The following NRG3 variants were observed in gnomAD, a reference collection of about 807,000 sequenced individuals.
NRG3 encodes neuregulin 3, also known as pro-neuregulin-3, membrane-bound isoform.
In NRG3, 31 loss-of-function variants were observed where a neutral mutation model predicts 66.9. The observed-to-expected ratio is 0.46, with a 90% CI of 0.35 to 0.63. The LOEUF is 0.63. Among genes scored for constraint, NRG3 ranks in the 20% least tolerant of loss-of-function variants. The probability of loss-of-function intolerance (pLI) is 0.00; values close to 1 mark genes in which losing one functional copy is unlikely to be tolerated. For missense variants in NRG3, 910 were observed against 878.9 expected (o/e 1.04, Z -0.45); for synonymous variants, 393 against 359.4 (o/e 1.09, Z -1.06).
intron 1 of NRG3, among the ~76,000 whole-genome samples, chr10:82,173,137 G>C: frequency 6.6e-6 from 1 of 152,144 alleles, no homozygotes; most frequent in East Asian, 1.9e-4. Context: ...GATTGCTTTG[G>C]GTTGATACAG....
At chr10:82,623,097 C>T (rs1370446236) in intron 2 of NRG3, among the ~76,000 whole-genome samples, 1 of 151,990 alleles carries the variant, frequency 6.6e-6, no homozygotes, top group African/African-American at 2.4e-5. Flanking sequence ...ACTATTTCAC[C>T]CAGGGTACCA....
chr10:82,624,659 T>C (rs893163414), intron 2 of NRG3, among the ~76,000 whole-genome samples: 16 of 150,412 alleles, frequency 1.1e-4, no homozygotes, highest in Admixed American at 3.3e-4. Flanking sequence ...AAGTCTATAT[T>C]TGCTATGGTT....
intron 2 of NRG3, among the ~76,000 whole-genome samples, chr10:82,538,714 T>G (rs1198500769): frequency 2.6e-5 from 4 of 152,110 alleles, no homozygotes; most frequent in South Asian, 2.1e-4. Flanking sequence ...AAAAAAAAAT[T>G]GTTTTCTCAC....
At chr10:82,607,626 C>A (rs2048046624) in intron 2 of NRG3, among the ~76,000 whole-genome samples, 1 of 151,956 alleles carries the variant, frequency 6.6e-6, no homozygotes, top group Non-Finnish European at 1.5e-5. Flanking sequence ...TGTTTTCTAT[C>A]CATTGCTCTT....
At chr10:82,220,313 A>G (rs2075880892) in intron 1 of NRG3, among the ~76,000 whole-genome samples, 1 of 152,142 alleles carries the variant, frequency 6.6e-6, no homozygotes, top group African/African-American at 2.4e-5. Flanking sequence ...TCAGGGATAT[A>G]GCAACTAAAA....
intron 1 of NRG3, among the ~76,000 whole-genome samples, chr10:82,092,766 G>A (rs1381554407): frequency 6.6e-6 from 1 of 152,150 alleles, no homozygotes; most frequent in African/African-American, 2.4e-5. Context: ...GAAAAAGTCA[G>A]GGCATTTTCT....
intron 2 of NRG3, among the ~76,000 whole-genome samples, chr10:82,726,339 A>G (rs1358755254): frequency 6.6e-6 from 1 of 152,130 alleles, no homozygotes; most frequent in Non-Finnish European, 1.5e-5. Context: ...GTCCCCACCC[A>G]AATCTTATCT....
At chr10:82,433,197 G>T (rs1302101743) in intron 2 of NRG3, among the ~76,000 whole-genome samples, 1 of 152,090 alleles carries the variant, frequency 6.6e-6, no homozygotes, top group Non-Finnish European at 1.5e-5. Context: ...GTTTTGATTT[G>T]CATTTCCCTG....
At chr10:82,243,264 T>C (rs1050108698) in intron 1 of NRG3, among the ~76,000 whole-genome samples, 8 of 152,046 alleles carry the variant, frequency 5.3e-5, no homozygotes, top group Admixed American at 1.3e-4. Flanking sequence ...AATCAAAATA[T>C]GCAAAAAATC....
In NRG3 at chr10:82,191,056, C is replaced by T. The variant is rs2074114797; in HGVS notation, c.824-167683C>T. On this transcript the variant is annotated intron_variant, in intron 1 of 8. Coordinates refer to ENST00000372141, the MANE Select transcript of NRG3 (RefSeq NM_001010848.4). Reference sequence around the variant, plus strand: ...GTCACATGTCACCCCCAGTCACTGCCAAGAATAGTGAGATTGCTTTGCTTG... The same window carrying T: ...GTCACATGTCACCCCCAGTCACTGCTAAGAATAGTGAGATTGCTTTGCTTG... 2.0e-5 allele frequency among the ~76,000 whole-genome samples: 3 copies of T among 152,024 alleles called. 1 individual carries two copies. The South Asian group carries it at 6.2e-4, about 32-fold the overall frequency.
intron 2 of NRG3, among the ~76,000 whole-genome samples, chr10:82,381,319 A>G (rs1254203972): frequency 6.6e-6 from 1 of 152,200 alleles, no homozygotes. Flanking sequence ...GGAAAACGAC[A>G]ACATTACAGA....
chr10:82,354,782 C>T (rs948242884), intron 1 of NRG3, among the ~76,000 whole-genome samples: 1 of 152,178 alleles, frequency 6.6e-6, no homozygotes, highest in African/African-American at 2.4e-5. Context: ...ACCTGCTCTG[C>T]TCAGTGGAAG....
At position 82,768,460 on chromosome 10, in the gene NRG3, C is replaced by A. The variant is rs77224691; in HGVS notation, c.1027+29810C>A. On this transcript the variant is annotated intron_variant, in intron 3 of 8. Transcript: ENST00000372141. ...TTTTTATACTTACATTTATTTGGTT[C>A]CCATGAAGGAAAGAAAATAGATGCA... Among the ~76,000 whole-genome samples, 1,255 of 152,064 alleles carry A rather than the reference C, an allele frequency of 8.3e-3. 15 individuals carry two copies. The highest frequency in any genetic ancestry group is 0.021 in the African/African-American group (868 of 41,502).
intron 4 of NRG3, among the ~76,000 whole-genome samples, chr10:82,901,109 A>C (rs1844178371): frequency 1.3e-5 from 2 of 152,306 alleles, no homozygotes; most frequent in South Asian, 4.1e-4. Context: ...GTCCGTTTGA[A>C]CTGATTTTAA....
chr10:82,394,743 T>C (rs1373046503), intron 2 of NRG3, among the ~76,000 whole-genome samples: 2 of 152,212 alleles, frequency 1.3e-5, no homozygotes, highest in Non-Finnish European at 2.9e-5. Flanking sequence ...ATTAATGTGG[T>C]TTGTCATAAT....
intron 1 of NRG3, among the ~76,000 whole-genome samples, chr10:82,250,769 C>T (rs572870894): frequency 3.9e-5 from 6 of 152,300 alleles, no homozygotes; most frequent in African/African-American, 7.2e-5. Context: ...TCCCCATCTA[C>T]GTCACAAGCC....
chr10:82,776,006 A>T (rs559872635), intron 3 of NRG3, among the ~76,000 whole-genome samples: 2 of 152,286 alleles, frequency 1.3e-5, no homozygotes, highest in South Asian at 4.1e-4. Flanking sequence ...GAATTTTACT[A>T]TAAATTTATT....
At chr10:81,950,351 G>A (rs1849239306) in intron 1 of NRG3, among the ~76,000 whole-genome samples, 1 of 152,150 alleles carries the variant, frequency 6.6e-6, no homozygotes, top group Non-Finnish European at 1.5e-5. Context: ...GTGTGCCAGA[G>A]CATCCTTTAA....
intron 2 of NRG3, among the ~76,000 whole-genome samples, chr10:82,621,934 A>G (rs1247193550): frequency 1.3e-5 from 2 of 152,192 alleles, no homozygotes; most frequent in African/African-American, 4.8e-5. Context: ...CGTAATTGGC[A>G]AGGCTTCACT....
Sources: allele counts gnomAD v4.1 joint callset (sites outside exome capture counted in the v4.1 genomes callset), GRCh38; gene constraint gnomAD v4.1.1; transcripts MANE v1.5; gene names NCBI Gene and HGNC (gene_info 2026-07-23, HGNC 2026-07-21).